The following GUF1 variants were observed in gnomAD, a reference collection of about 807,000 sequenced individuals.
The protein encoded by GUF1 is translation factor GUF1, mitochondrial.
Under a neutral mutation model 82.4 loss-of-function variants are expected in GUF1, and 78 were observed. That is an observed-to-expected ratio of 0.95 (90% CI 0.79 to 1.14). The LOEUF is 1.14. GUF1 is among the 50% of genes most tolerant of loss of function. The probability of loss-of-function intolerance (pLI) is 0.00; values close to 1 mark genes in which losing one functional copy is unlikely to be tolerated. For missense variants in GUF1, 814 were observed against 798.2 expected (o/e 1.02, Z -0.24); for synonymous variants, 279 against 282.3 (o/e 0.99, Z 0.12).
chr4:44,682,867 G>A (rs1560341245), intron 5 of GUF1, among the ~76,000 whole-genome samples: 1 of 151,984 alleles, frequency 6.6e-6, no homozygotes, highest in Non-Finnish European at 1.5e-5. Context: ...TCTTGATAAT[G>A]GAGTTAAGTT....
Position 44,686,700 on chromosome 4 carries a change from C to T in GUF1, c.925C>T (p.Pro309Ser). 3 of 1,602,412 alleles carry T rather than the reference C, an allele frequency of 1.9e-6. No homozygotes were observed. The highest frequency in any genetic ancestry group is 2.6e-6 in the Non-Finnish European group (3 of 1,170,006). ...AGGAGTCTTGAATCCTAATGAGCAG[C>T]CAACTCATAAATTGTAAGTAATCTG... ...EVGVLNPNEQPTHKLYAGQVG... is the reference protein window; with the variant it reads ...EVGVLNPNEQSTHKLYAGQVG... Residue 309 changes from proline to serine, a missense_variant, in exon 8 of 17, where the codon CCA becomes TCA. Pro to Ser is a moderately conservative substitution (Grantham distance 74). Transcript: ENST00000281543.
intron 8 of GUF1, 59 bp from the exon 9 acceptor site, chr4:44,687,948 T>C (rs1715161973): frequency 6.8e-7 from 1 of 1,474,352 alleles, no homozygotes; most frequent in Admixed American, 1.8e-5. Context: ...GAACTAATTG[T>C]GAGTTATGTG....
In GUF1 at chr4:44,700,194, G is replaced by C. The variant is rs1304324491; in HGVS notation, c.*1513G>C. On this transcript the variant is annotated 3_prime_UTR_variant, in exon 17 of 17. Coordinates refer to ENST00000281543, the MANE Select transcript of GUF1 (RefSeq NM_021927.3). ...AACCACTAAGCCAAAGGGAAGTCAA[G>C]CTGGGAACTGATTGAGGCAAACCTG... 1 of 152,184 alleles carries C rather than the reference G, an allele frequency of 6.6e-6. No homozygotes were observed. Among genetic ancestry groups the C allele is most frequent in the Admixed American group, 6.5e-5 (1 of 15,288 alleles). The allele number at this position is 152,184 out of a possible 1,614,324, so 9.4% of individuals were successfully genotyped here.
Position 44,688,020 on chromosome 4 carries a change from G to A in GUF1, c.952G>A (p.Val318Met). 6.2e-7 allele frequency: 1 copy of A among 1,611,794 alleles called. No homozygotes were observed. Among genetic ancestry groups the A allele is most frequent in the East Asian group, 2.2e-5 (1 of 44,836 alleles). The change falls in exon 9 of 17, where the codon GTG (valine) becomes ATG (methionine). Residue 318 changes from valine to methionine, a missense_variant. Physicochemically the swap from Val to Met is conservative, Grantham distance 21 (BLOSUM62 1). Transcript: ENST00000281543. ...AATTTTATTTAGATATGCAGGACAGGTGGGCTATCTGATTGCTGGGATGAA... is the reference window on the plus strand; with the variant it reads ...AATTTTATTTAGATATGCAGGACAGATGGGCTATCTGATTGCTGGGATGAA... ...QPTHKLYAGQ[V>M]GYLIAGMKDV...
intron 2 of GUF1, 69 bp from the exon 3 acceptor site, chr4:44,680,625 A>G (rs1714709366): frequency 7.0e-7 from 1 of 1,436,928 alleles, no homozygotes; most frequent in East Asian, 2.5e-5. Flanking sequence ...TTAAATTTTA[A>G]TTTTATAAGT....
chr4:44,691,544 A>G, intron 12 of GUF1, 122 bp from the exon 13 acceptor site: 1 of 689,576 alleles, frequency 1.5e-6, no homozygotes, highest in South Asian at 1.8e-5. Context: ...TGAAATATAA[A>G]ATGTTTCTCT....
At chr4:44,685,290 T>G (rs1442050708) in intron 6 of GUF1, among the ~76,000 whole-genome samples, 1 of 152,126 alleles carries the variant, frequency 6.6e-6, no homozygotes, top group East Asian at 1.9e-4. Context: ...GGTGCCCTGG[T>G]TGCTGCTGAA....
chr4:44,683,152 C>A, intron 5 of GUF1, 83 bp from the exon 6 acceptor site: 1 of 821,200 alleles, frequency 1.2e-6, no homozygotes, highest in Non-Finnish European at 1.9e-6. Flanking sequence ...AGTGGGTAAG[C>A]TTTTAATTAC....
intron 1 of GUF1, among the ~76,000 whole-genome samples, chr4:44,679,888 T>G (rs2109627575): frequency 6.6e-6 from 1 of 152,288 alleles, no homozygotes; most frequent in South Asian, 2.1e-4. Context: ...CATTTTAAAA[T>G]ATTTTTAAGT....
intron 13 of GUF1, 26 bp downstream of exon 13, chr4:44,691,825 T>A: frequency 6.5e-7 from 1 of 1,534,346 alleles, no homozygotes; most frequent in Non-Finnish European, 8.8e-7. Flanking sequence ...GAACCTAAGA[T>A]GCCTGACCAA....
chr4:44,678,897 A>G lies in GUF1; in HGVS notation c.165+110A>G, dbSNP rs74985632. ...GGGACTAGCTCTGAACCCTGCTTGC[A>G]ACTTGGTACAGGGAGGCAGAGCGGA... is the stretch of plus-strand genomic sequence containing the variant. On this transcript the variant is annotated intron_variant, in intron 1 of 16. Coordinates refer to ENST00000281543, the MANE Select transcript of GUF1 (RefSeq NM_021927.3). 4,493 of 1,131,540 alleles carry G rather than the reference A, an allele frequency of 4.0e-3. 113 individuals carry two copies. In the African/African-American group the frequency reaches 0.056, roughly 14 times the overall value. 70.1% of individuals were successfully genotyped at this position (1,131,540 alleles called of 1,614,324 possible).
At position 44,700,029 on chromosome 4, in the gene GUF1, G is replaced by C. The variant is rs1462904974; in HGVS notation, c.*1348G>C. On this transcript the variant is annotated 3_prime_UTR_variant, in exon 17 of 17. Transcript: ENST00000281543. The stretch of plus-strand genomic sequence containing the variant: ...CAACGAACAAACCAGACTGCAGACT[G>C]TATTAGAGCAAGACAACATCATTTA... The C allele has an allele frequency of 6.6e-6, 1 of 152,176 alleles. No individual in the cohort carries two copies. The highest frequency in any genetic ancestry group is 1.5e-5 in the Non-Finnish European group (1 of 68,036). 9.4% of individuals were successfully genotyped at this position (152,176 alleles called of 1,614,324 possible). A position where few individuals can be genotyped will look rare whatever the true frequency, so the allele number is the denominator to read the frequency against.
In GUF1 at chr4:44,680,702, G is replaced by C; in HGVS notation, c.286G>C (p.Asp96His). The C allele has an allele frequency of 1.3e-6, 2 of 1,592,696 alleles. No individual in the cohort carries two copies. The highest frequency in any genetic ancestry group is 8.6e-7 in the Non-Finnish European group (1 of 1,166,706). ...DRLLELTGTIDKTKNNKQVLD... is the reference protein window; with the variant it reads ...DRLLELTGTIHKTKNNKQVLD... ...AGTGTTTCTGTTTATAGGGACAATT[G>C]ATAAAACAAAGAATAATAAGCAGGT... Residue 96 changes from aspartate to histidine, a missense_variant, in exon 3 of 17, where the codon GAT becomes CAT. Asp to His is a moderately conservative substitution (Grantham distance 81). Transcript: ENST00000281543.
chr4:44,688,060 C>T lies in GUF1; in HGVS notation c.992C>T (p.Ala331Val), dbSNP rs771678573. 14 of 1,612,062 alleles carry T rather than the reference C, an allele frequency of 8.7e-6. No homozygotes were observed. The highest frequency in any genetic ancestry group is 3.3e-5 in the Admixed American group (2 of 59,904). Residue 331 changes from alanine to valine, a missense_variant, in exon 9 of 17, where the codon GCG (alanine) becomes GTG (valine). Coordinates refer to ENST00000281543, the MANE Select transcript of GUF1 (RefSeq NM_021927.3). Reference protein sequence around the residue: ...LIAGMKDVTEAQIGDTLCLHK... With the variant: ...LIAGMKDVTEVQIGDTLCLHK... ...GCTGGGATGAAAGATGTCACTGAAG[C>T]GCAAATAGGAGATACATTATGTTTA...
At chr4:44,696,350 A>G (rs1262990806) in intron 15 of GUF1, among the ~76,000 whole-genome samples, 1 of 152,180 alleles carries the variant, frequency 6.6e-6, no homozygotes, top group East Asian at 1.9e-4. Context: ...TGTGATCCCA[A>G]CTACTTGGGA....
intron 8 of GUF1, 89 bp downstream of exon 8, chr4:44,686,802 C>G: frequency 1.2e-6 from 1 of 861,158 alleles, no homozygotes; most frequent in Admixed American, 2.0e-5. Context: ...TAGAATGATC[C>G]TCATTTGGTA....
At chr4:44,693,924 A>G (rs7683858) in intron 13 of GUF1, 159,865 of 162,728 alleles carry the variant, frequency 0.98, 78,593 homozygotes, top group East Asian at 1. Flanking sequence ...GTGAAGGGAG[A>G]TGCAAGCTGA....
Position 44,688,029 on chromosome 4 carries a change from C to G in GUF1, c.961C>G (p.Leu321Val), listed in dbSNP as rs1218511707. ...HKLYAGQVGY[L>V]IAGMKDVTEA... is the part of the protein sequence containing the mutation. ...TAGATATGCAGGACAGGTGGGCTAT[C>G]TGATTGCTGGGATGAAAGATGTCAC... is the stretch of plus-strand genomic sequence containing the variant. The change falls in exon 9 of 17, where the codon CTG becomes GTG. Residue 321 changes from leucine to valine, a missense_variant. By Grantham distance (32) the Leu-to-Val change is conservative. Transcript: ENST00000281543. 1 of 1,611,930 alleles carries G rather than the reference C, an allele frequency of 6.2e-7. No individual in the cohort carries two copies. The highest frequency in any genetic ancestry group is 1.1e-5 in the South Asian group (1 of 90,974).
At chr4:44,682,039 T>C (rs1391834016) in intron 4 of GUF1, among the ~76,000 whole-genome samples, 2 of 152,178 alleles carry the variant, frequency 1.3e-5, no homozygotes, top group Non-Finnish European at 2.9e-5. Flanking sequence ...GGTATCATAG[T>C]TGAGCTGCCG....
Sources: gnomAD v4.1 joint callset for allele counts (sites outside exome capture counted in the v4.1 genomes callset) on GRCh38, gnomAD v4.1.1 for gene constraint, MANE v1.5 for transcripts, NCBI Gene and HGNC (gene_info 2026-07-23, HGNC 2026-07-21) for gene names.